The following FAM163A variants were observed in gnomAD, a reference collection of about 807,000 sequenced individuals.
FAM163A encodes protein FAM163A.
Under a neutral mutation model 12.0 loss-of-function variants are expected in FAM163A, and 7 were observed. The observed-to-expected ratio is 0.58, with a 90% CI of 0.33 to 1.10. The LOEUF is 1.10. Ranked by LOEUF, FAM163A falls within the 50% of genes least tolerant of loss-of-function variation. FAM163A has a pLI of 0.03. For synonymous variants in FAM163A, 101 were observed against 91.0 expected (o/e 1.11, Z -0.62); for missense variants, 202 against 218.6 (o/e 0.92, Z 0.48).
the FAM163A span, among the ~76,000 whole-genome samples, chr1:179,735,940 T>C: frequency 6.6e-6 from 1 of 152,200 alleles, no homozygotes; most frequent in African/African-American, 2.4e-5. Context: ...GGAGAGTCTC[T>C]TCAATAAATG....
the FAM163A span, among the ~76,000 whole-genome samples, chr1:179,728,854 T>G: frequency 6.6e-6 from 1 of 152,196 alleles, no homozygotes; most frequent in Non-Finnish European, 1.5e-5. Context: ...GTGCCTTTCC[T>G]CAGAGTGCCA....
chr1:179,734,307 T>G, the FAM163A span, among the ~76,000 whole-genome samples: 1 of 152,236 alleles, frequency 6.6e-6, no homozygotes, highest in Non-Finnish European at 1.5e-5. Flanking sequence ...TAGAGAAAGC[T>G]GTCATCTTAA....
chr1:179,788,651 TAATATC>T (rs1690987855), intron 1 of FAM163A, among the ~76,000 whole-genome samples: 1 of 152,174 alleles, frequency 6.6e-6, no homozygotes, highest in Non-Finnish European at 1.5e-5. Flanking sequence ...GCGGGGAAAA[TAATATC>T]TATATCCCAG....
intron 1 of FAM163A, among the ~76,000 whole-genome samples, chr1:179,763,555 C>G (rs1687091850): frequency 6.6e-6 from 1 of 152,242 alleles, no homozygotes; most frequent in Admixed American, 6.5e-5. Flanking sequence ...GGGATGCACT[C>G]TGCTTTTTCC....
At chr1:179,783,395 G>A (rs767370765) in intron 1 of FAM163A, among the ~76,000 whole-genome samples, 1 of 152,062 alleles carries the variant, frequency 6.6e-6, no homozygotes, top group Non-Finnish European at 1.5e-5. Context: ...TTGCTAGGTG[G>A]CAGTGAAATT....
rs116313530 is a variant in FAM163A at position 179,760,868 on chromosome 1, T to C, written c.-136+17445T>C. Among the ~76,000 whole-genome samples the C allele has an allele frequency of 6.1e-3, 932 of 152,306 alleles. 2 individuals are homozygous for C. The highest frequency in any genetic ancestry group is 9.3e-3 in the Non-Finnish European group (630 of 68,020). ...CACAAGGACCCCCGCAATCTGGCTGTGGAATGTCCTCTTCCCACCCCACTC... is the reference window on the plus strand; with the variant it reads ...CACAAGGACCCCCGCAATCTGGCTGCGGAATGTCCTCTTCCCACCCCACTC... On this transcript the variant is annotated intron_variant, in intron 1 of 4. Transcript: ENST00000341785.
chr1:179,761,564 G>T (rs908844966), intron 1 of FAM163A, among the ~76,000 whole-genome samples: 5 of 152,316 alleles, frequency 3.3e-5, no homozygotes, highest in Admixed American at 2.6e-4. Flanking sequence ...TGGACTTTAT[G>T]TATCCATCCT....
At chr1:179,775,230 A>T (rs1283252765) in intron 1 of FAM163A, among the ~76,000 whole-genome samples, 1 of 152,204 alleles carries the variant, frequency 6.6e-6, no homozygotes, top group Non-Finnish European at 1.5e-5. Flanking sequence ...CAGAGGCTGA[A>T]GTGAAATTAC....
intron 1 of FAM163A, among the ~76,000 whole-genome samples, chr1:179,805,117 CT>C (rs1211343729): frequency 5.3e-5 from 8 of 152,146 alleles, no homozygotes. Context: ...AAATCTTCCC[CT>C]GCCCCTAGAA....
intron 1 of FAM163A, among the ~76,000 whole-genome samples, chr1:179,789,292 C>T (rs1022889897): frequency 6.6e-6 from 1 of 152,170 alleles, no homozygotes; most frequent in African/African-American, 2.4e-5. Context: ...AATGATTCTC[C>T]TGCCTCAGCC....
chr1:179,796,038 T>C (rs1193494198), intron 1 of FAM163A, among the ~76,000 whole-genome samples: 1 of 150,428 alleles, frequency 6.6e-6, no homozygotes, highest in Non-Finnish European at 1.5e-5. Context: ...CTATTCATCA[T>C]CTTATTCTGT....
At position 179,758,540 on chromosome 1, in the gene FAM163A, T is replaced by C. The variant is rs575398448; in HGVS notation, c.-136+15117T>C. On this transcript the variant is annotated intron_variant, in intron 1 of 4. Transcript: ENST00000341785. ...CATACCTTCTCTTAGTTGGCAAATTTGTGTAGAGGTGAAGGGCACAGAGCT... is the reference window on the plus strand; with the variant it reads ...CATACCTTCTCTTAGTTGGCAAATTCGTGTAGAGGTGAAGGGCACAGAGCT... 2.6e-5 allele frequency among the ~76,000 whole-genome samples: 4 copies of C among 152,314 alleles called. No individual in the cohort carries two copies. In the South Asian group the frequency reaches 8.3e-4, roughly 32 times the overall value.
At chr1:179,741,826 G>A (rs1224737322), upstream of FAM163A, among the ~76,000 whole-genome samples, 2 of 152,208 alleles carry the variant, frequency 1.3e-5, no homozygotes, top group Non-Finnish European at 1.5e-5. Flanking sequence ...GTTGCTTTAG[G>A]GGGAAGGGAA....
At chr1:179,795,596 A>G (rs544956474) in intron 1 of FAM163A, among the ~76,000 whole-genome samples, 24 of 152,340 alleles carry the variant, frequency 1.6e-4, no homozygotes, top group African/African-American at 5.8e-4. Flanking sequence ...CTTCAGAACC[A>G]TGAGCGAAAT....
At chr1:179,787,998 A>AT (rs1690898066) in intron 1 of FAM163A, among the ~76,000 whole-genome samples, 2 of 152,308 alleles carry the variant, frequency 1.3e-5, no homozygotes, top group South Asian at 4.1e-4. Context: ...CAGCTCAGAG[A>AT]TTCTAGGAGA....
rs780662827 is a variant in FAM163A at position 179,814,202 on chromosome 1, C to A, written c.*13C>A. On this transcript the variant is annotated 3_prime_UTR_variant, in exon 5 of 5. Transcript: ENST00000341785. Reference sequence around the variant, plus strand: ...TACAGACGTGTAAATCCTTCCACCCCGACCCGCACACACACCCACACTGCT... The same window carrying A: ...TACAGACGTGTAAATCCTTCCACCCAGACCCGCACACACACCCACACTGCT... 6.3e-7 allele frequency: 1 copy of A among 1,590,726 alleles called. No individual in the cohort carries two copies. The highest frequency in any genetic ancestry group is 2.2e-5 in the East Asian group (1 of 44,532).
chr1:179,765,103 C>T (rs1557912758), intron 1 of FAM163A, among the ~76,000 whole-genome samples: 1 of 152,188 alleles, frequency 6.6e-6, no homozygotes, highest in Non-Finnish European at 1.5e-5. Flanking sequence ...CCCCCTTCCT[C>T]GTCCACCTCT....
At chr1:179,757,021 C>T (rs1048548952) in intron 1 of FAM163A, among the ~76,000 whole-genome samples, 3 of 152,162 alleles carry the variant, frequency 2.0e-5, no homozygotes, top group African/African-American at 7.2e-5. Flanking sequence ...TTTACGCAAA[C>T]ATTAGAGAAA....
At chr1:179,795,928 G>A (rs1692229602) in intron 1 of FAM163A, among the ~76,000 whole-genome samples, 1 of 120,506 alleles carries the variant, frequency 8.3e-6, no homozygotes, top group Non-Finnish European at 1.7e-5. Context: ...TCCTTTCTCT[G>A]CCTATAGATC....
Sources: allele counts gnomAD v4.1 joint callset (sites outside exome capture counted in the v4.1 genomes callset), GRCh38; gene constraint gnomAD v4.1.1; transcripts MANE v1.5; gene names NCBI Gene and HGNC (gene_info 2026-07-23, HGNC 2026-07-21).